Variants in DPP10 observed in about 807,000 individuals in gnomAD.
The protein encoded by DPP10 is inactive dipeptidyl peptidase 10.
In DPP10, 33 loss-of-function variants were observed where a neutral mutation model predicts 120.9. The ratio of observed to expected loss-of-function variants is 0.27; its 90% confidence interval spans 0.21 to 0.37. The LOEUF (loss-of-function observed/expected upper bound fraction) is 0.37. Among genes scored for constraint, DPP10 ranks in the 10% least tolerant of loss-of-function variants. The probability of loss-of-function intolerance (pLI) is 1.00; values close to 1 mark genes in which losing one functional copy is unlikely to be tolerated. For synonymous variants in DPP10, 337 were observed against 326.1 expected (o/e 1.03, Z -0.36); for missense variants, 816 against 942.8 (o/e 0.87, Z 1.76).
chr2:114,743,180 G>A (rs980122861), intron 1 of DPP10, among the ~76,000 whole-genome samples: 1 of 152,134 alleles, frequency 6.6e-6, no homozygotes, highest in African/African-American at 2.4e-5. Context: ...AGAGATTTTA[G>A]ATTTTAGGGA....
chr2:115,737,114 G>C (rs1033886037), intron 8 of DPP10, among the ~76,000 whole-genome samples: 2 of 152,038 alleles, frequency 1.3e-5, no homozygotes, highest in African/African-American at 4.8e-5. Context: ...ATTCCAGCTC[G>C]TTGTTGTACA....
At chr2:114,459,802 A>G (rs548574805) in intron 1 of DPP10, among the ~76,000 whole-genome samples, 7 of 152,110 alleles carry the variant, frequency 4.6e-5, no homozygotes, top group African/African-American at 1.7e-4. Context: ...TGTTATTTTA[A>G]TGTAGCTATG....
intron 1 of DPP10, among the ~76,000 whole-genome samples, chr2:115,232,279 A>G (rs942517890): frequency 1.3e-5 from 2 of 152,066 alleles, no homozygotes; most frequent in African/African-American, 4.8e-5. Context: ...AGTTAAGCTT[A>G]TAGTTACTAC....
intron 1 of DPP10, among the ~76,000 whole-genome samples, chr2:114,984,270 A>G (rs550732698): frequency 8.2e-4 from 125 of 152,268 alleles, no homozygotes; most frequent in Non-Finnish European, 1.5e-3. Context: ...TTCTCATCAA[A>G]TGCACCAATG....
intron 1 of DPP10, among the ~76,000 whole-genome samples, chr2:114,684,572 T>G (rs750324986): frequency 1.3e-4 from 19 of 151,950 alleles, no homozygotes; most frequent in Admixed American, 2.0e-4. Flanking sequence ...GAAACTTGAC[T>G]GCACTAGGAC....
At chr2:114,690,873 G>A (rs539148251) in intron 1 of DPP10, among the ~76,000 whole-genome samples, 2 of 152,064 alleles carry the variant, frequency 1.3e-5, no homozygotes, top group East Asian at 1.9e-4. Context: ...CTGCTTGCCT[G>A]TTGTCAGTGC....
chr2:114,721,660 C>G (rs1041307366), intron 1 of DPP10, among the ~76,000 whole-genome samples: 3 of 152,186 alleles, frequency 2.0e-5, no homozygotes, highest in African/African-American at 7.2e-5. Flanking sequence ...ATAGTCACTG[C>G]CATGACTTGT....
In DPP10 at chr2:114,558,859, G is replaced by A. The variant is rs1378686932; in HGVS notation, c.60+116021G>A. On this transcript the variant is annotated intron_variant, in intron 1 of 25. Transcript: ENST00000410059. ...CCATCACAATGTCTGACACATAACAGATACTAAACAAATATTTGTGGTATC... is the reference window on the plus strand; with the variant it reads ...CCATCACAATGTCTGACACATAACAAATACTAAACAAATATTTGTGGTATC... Among the ~76,000 whole-genome samples the A allele has an allele frequency of 2.0e-5, 3 of 152,266 alleles. No individual in the cohort carries two copies. The East Asian group carries it at 5.8e-4, about 29-fold the overall frequency.
chr2:115,096,705 A>G (rs1188425082), intron 1 of DPP10, among the ~76,000 whole-genome samples: 1 of 152,304 alleles, frequency 6.6e-6, no homozygotes, highest in African/African-American at 2.4e-5. Context: ...CTTTTGTACC[A>G]TTTTAAAGTT....
chr2:115,098,210 C>T (rs905042083), intron 1 of DPP10, among the ~76,000 whole-genome samples: 3 of 152,126 alleles, frequency 2.0e-5, no homozygotes, highest in African/African-American at 7.2e-5. Flanking sequence ...TGACTGAGAG[C>T]TTTCAGCCAA....
intron 1 of DPP10, among the ~76,000 whole-genome samples, chr2:115,239,661 G>A (rs1437875807): frequency 1.3e-5 from 2 of 152,080 alleles, no homozygotes; most frequent in Non-Finnish European, 2.9e-5. Context: ...GTGCAGGTTT[G>A]TTGCATAGGT....
intron 19 of DPP10, among the ~76,000 whole-genome samples, chr2:115,795,713 T>G (rs1684458461): frequency 6.6e-6 from 1 of 152,150 alleles, no homozygotes; most frequent in African/African-American, 2.4e-5. Context: ...TATATTCAGT[T>G]ATTCATATCC....
At chr2:115,046,463 CAG>C (rs774298556) in intron 1 of DPP10, among the ~76,000 whole-genome samples, 114 of 152,078 alleles carry the variant, frequency 7.5e-4, no homozygotes, top group Non-Finnish European at 1.3e-3. Flanking sequence ...GGAAATAAAA[CAG>C]AAATTTTTCT....
intron 5 of DPP10, among the ~76,000 whole-genome samples, chr2:115,637,187 T>C (rs1407151275): frequency 1.3e-5 from 2 of 152,130 alleles, no homozygotes; most frequent in African/African-American, 4.8e-5. Flanking sequence ...AGCAATTATA[T>C]TGGCAAAAAT....
intron 1 of DPP10, among the ~76,000 whole-genome samples, chr2:114,769,929 G>A (rs1053933847): frequency 6.6e-6 from 1 of 152,234 alleles, no homozygotes; most frequent in South Asian, 2.1e-4. Flanking sequence ...TTAGCTCTTT[G>A]GCCAAAGGTG....
chr2:115,552,288 C>T (rs2079922335), intron 5 of DPP10, among the ~76,000 whole-genome samples: 1 of 152,112 alleles, frequency 6.6e-6, no homozygotes, highest in African/African-American at 2.4e-5. Flanking sequence ...CCAGAGTTTT[C>T]TTAGCATAGA....
At chr2:115,011,957 A>C (rs1573295892) in intron 1 of DPP10, among the ~76,000 whole-genome samples, 1 of 151,814 alleles carries the variant, frequency 6.6e-6, no homozygotes, top group African/African-American at 2.4e-5. Context: ...TGGGAGTGAG[A>C]CCAGCCTTTA....
intron 1 of DPP10, among the ~76,000 whole-genome samples, chr2:115,182,920 T>C (rs1481841803): frequency 6.6e-6 from 1 of 152,036 alleles, no homozygotes; most frequent in East Asian, 1.9e-4. Context: ...TAAACTTAGC[T>C]CCACTACCTG....
At chr2:115,139,133 T>C (rs1375713800) in intron 1 of DPP10, among the ~76,000 whole-genome samples, 1 of 152,192 alleles carries the variant, frequency 6.6e-6, no homozygotes, top group Non-Finnish European at 1.5e-5. Context: ...ATTTGTACAG[T>C]AATTAAAATA....
Sources: gnomAD v4.1 joint callset for allele counts (sites outside exome capture counted in the v4.1 genomes callset) on GRCh38, gnomAD v4.1.1 for gene constraint, MANE v1.5 for transcripts, NCBI Gene and HGNC (gene_info 2026-07-23, HGNC 2026-07-21) for gene names.